MIR2052HG: variants seen among roughly 807,000 people sequenced by gnomAD.
MIR2052HG encodes the protein MIR2052 host gene.
At chr8:74,673,678 T>C (rs1480215304) in intron 2 of MIR2052HG, among the ~76,000 whole-genome samples, 1 of 151,832 alleles carries the variant, frequency 6.6e-6, no homozygotes, top group African/African-American at 2.4e-5. Flanking sequence ...AAGATATATA[T>C]TGTAGTTCAT....
intron 2 of MIR2052HG, among the ~76,000 whole-genome samples, chr8:74,626,842 C>T (rs1055986313): frequency 1.2e-4 from 18 of 152,212 alleles, no homozygotes; most frequent in African/African-American, 1.7e-4. Context: ...GCCAGACTGA[C>T]CTTTTACAAA....
intron 4 of MIR2052HG, among the ~76,000 whole-genome samples, chr8:74,738,133 G>GTATGTATCTATCTATC (rs1554578693): frequency 1.3e-4 from 20 of 149,628 alleles, no homozygotes; most frequent in African/African-American, 2.2e-4. Context: ...ATGTATGTAT[G>GTATGTATCTATCTATC]TATCTATCTA....
intron 2 of MIR2052HG, among the ~76,000 whole-genome samples, chr8:74,673,910 T>TATATATATATATATATATATATATATAC (rs1485340799): frequency 3.0e-5 from 4 of 133,236 alleles, no homozygotes; most frequent in African/African-American, 1.4e-4. Flanking sequence ...TATATATATA[T>TATATATATATATATATATATATATATAC]ACACACACAA....
chr8:74,613,180 G>A (rs1215588264), intron 2 of MIR2052HG, among the ~76,000 whole-genome samples: 1 of 152,152 alleles, frequency 6.6e-6, no homozygotes, highest in Non-Finnish European at 1.5e-5. Context: ...TACAAATATA[G>A]CAAGTGTGTT....
intron 2 of MIR2052HG, among the ~76,000 whole-genome samples, chr8:74,672,119 A>G (rs923384258): frequency 1.3e-4 from 20 of 152,170 alleles, no homozygotes; most frequent in Non-Finnish European, 2.2e-4. Context: ...CTTTATCCAC[A>G]TATTATTATA....
chr8:74,705,053 T>A (rs1809396017), intron 4 of MIR2052HG, among the ~76,000 whole-genome samples: 1 of 151,594 alleles, frequency 6.6e-6, no homozygotes, highest in Admixed American at 6.6e-5. Flanking sequence ...ATTCTTTCTT[T>A]TTTTTTTTTC....
At chr8:74,729,162 G>T (rs573027316) in intron 4 of MIR2052HG, among the ~76,000 whole-genome samples, 1 of 152,208 alleles carries the variant, frequency 6.6e-6, no homozygotes, top group Admixed American at 6.5e-5. Context: ...ATTTCAGGCA[G>T]GCATTTTACA....
At chr8:74,712,245 G>A (rs577862215) in intron 4 of MIR2052HG, among the ~76,000 whole-genome samples, 1 of 152,244 alleles carries the variant, frequency 6.6e-6, no homozygotes, top group Non-Finnish European at 1.5e-5. Context: ...ATGTAGAAGA[G>A]TTTGCTAGGG....
chr8:74,624,407 C>G (rs1808407841), intron 2 of MIR2052HG, among the ~76,000 whole-genome samples: 1 of 152,230 alleles, frequency 6.6e-6, no homozygotes, highest in Non-Finnish European at 1.5e-5. Context: ...TGTAAATACA[C>G]TGGAGAATTT....
intron 5 of MIR2052HG, among the ~76,000 whole-genome samples, chr8:74,756,073 T>A (rs1352733161): frequency 6.6e-6 from 1 of 152,194 alleles, no homozygotes; most frequent in African/African-American, 2.4e-5. Context: ...CTATACGTTT[T>A]GGGGTTTTCA....
intron 2 of MIR2052HG, among the ~76,000 whole-genome samples, chr8:74,669,394 A>T (rs912790440): frequency 2.6e-5 from 4 of 152,124 alleles, no homozygotes; most frequent in African/African-American, 9.7e-5. Context: ...ATCCGTTCTC[A>T]CCTGGCATAT....
intron 4 of MIR2052HG, among the ~76,000 whole-genome samples, chr8:74,712,710 T>G (rs1291992109): frequency 2.0e-4 from 30 of 151,822 alleles, no homozygotes; most frequent in Non-Finnish European, 4.3e-4. Flanking sequence ...CTTTTTTTTT[T>G]TTTTATAAAT....
chr8:74,607,393 C>T (rs1808127654), intron 1 of MIR2052HG, among the ~76,000 whole-genome samples: 1 of 152,140 alleles, frequency 6.6e-6, no homozygotes, highest in Non-Finnish European at 1.5e-5. Context: ...GGGTGGATCA[C>T]CTGAGGTCAG....
intron 4 of MIR2052HG, among the ~76,000 whole-genome samples, chr8:74,724,929 C>A (rs1809618034): frequency 6.6e-6 from 1 of 152,010 alleles, no homozygotes; most frequent in African/African-American, 2.4e-5. Context: ...GCACTAAAAC[C>A]ATAGCTCCAG....
At chr8:74,705,894 C>T (rs776893327) in intron 4 of MIR2052HG, 1 of 158,690 alleles carries the variant, frequency 6.3e-6, no homozygotes, top group Non-Finnish European at 1.5e-5. Flanking sequence ...CTGAAATGTT[C>T]GGGAAAAAAA....
chr8:74,664,867 T>C (rs1291187152), intron 2 of MIR2052HG, among the ~76,000 whole-genome samples: 1 of 152,234 alleles, frequency 6.6e-6, no homozygotes, highest in Admixed American at 6.5e-5. Flanking sequence ...TCCTGGACTT[T>C]GCATCTGTAA....
At chr8:74,718,300 C>T (rs910945809) in intron 4 of MIR2052HG, among the ~76,000 whole-genome samples, 2 of 152,082 alleles carry the variant, frequency 1.3e-5, no homozygotes, top group African/African-American at 4.8e-5. Flanking sequence ...GCAGTTTAGA[C>T]CAGATGACAG....
chr8:74,671,445 G>A (rs1808991575), intron 2 of MIR2052HG, among the ~76,000 whole-genome samples: 1 of 152,034 alleles, frequency 6.6e-6, no homozygotes, highest in Non-Finnish European at 1.5e-5. Flanking sequence ...TCTTAATAGA[G>A]AGGTTTCTGT....
chr8:74,603,517 T>C, intron 1 of MIR2052HG: 1 of 1,548,474 alleles, frequency 6.5e-7, no homozygotes, highest in Non-Finnish European at 8.9e-7. Flanking sequence ...GGTAAGTTCA[T>C]GAGAAGTAGT....
Sources: gnomAD v4.1 joint callset for allele counts (sites outside exome capture counted in the v4.1 genomes callset) on GRCh38, gnomAD v4.1.1 for gene constraint, MANE v1.5 for transcripts, NCBI Gene and HGNC (gene_info 2026-07-23, HGNC 2026-07-21) for gene names.